THOC7: variants seen among roughly 807,000 people sequenced by gnomAD.
The protein encoded by THOC7 is NIF3L1-binding protein 1.
Under a neutral mutation model 33.1 loss-of-function variants are expected in THOC7, and 22 were observed. The ratio of observed to expected loss-of-function variants is 0.66; its 90% CI spans 0.47 to 0.95. THOC7 has a LOEUF of 0.95. Among genes scored for constraint, THOC7 ranks in the 40% least tolerant of loss-of-function variants. The pLI is 0.00. For synonymous variants in THOC7, 77 were observed against 76.8 expected (o/e 1.00, Z -0.01); for missense variants, 184 against 245.3 (o/e 0.75, Z 1.67).
chr3:63,847,460 G>A lies in THOC7; in HGVS notation c.20-7687C>T, dbSNP rs375870363. 1.1e-4 allele frequency among the ~76,000 whole-genome samples: 17 copies of A among 152,254 alleles called. No individual in the cohort carries two copies. The East Asian group carries it at 2.1e-3, about 19-fold the overall frequency. The stretch of plus-strand genomic sequence containing the variant: ...ATATCAGAAGAATGAAAAGAAGGCC[G>A]GGTGCAGTGGCTCACGCCTGTAATC... On this transcript the variant is annotated intron_variant, in intron 1 of 7. Transcript: ENST00000295899.
chr3:63,863,686 C>G, intron 1 of THOC7, 86 bp downstream of exon 1: 3 of 1,238,726 alleles, frequency 2.4e-6, no homozygotes, highest in Non-Finnish European at 3.0e-6. Flanking sequence ...CGAGGGGTTC[C>G]CGGAAGCGGG....
intron 1 of THOC7, chr3:63,860,629 G>T (rs116385032): frequency 6.6e-6 from 1 of 152,198 alleles, no homozygotes; most frequent in East Asian, 1.9e-4. Context: ...GGAGAAACAG[G>T]TCACTTACAG....
intron 1 of THOC7, among the ~76,000 whole-genome samples, chr3:63,855,980 C>A (rs952215411): frequency 6.6e-6 from 1 of 152,162 alleles, no homozygotes; most frequent in African/African-American, 2.4e-5. Context: ...GACACATATA[C>A]CTTTTGACTT....
chr3:63,858,022 A>C (rs898643118), intron 1 of THOC7, among the ~76,000 whole-genome samples: 2 of 152,208 alleles, frequency 1.3e-5, no homozygotes, highest in Non-Finnish European at 2.9e-5. Flanking sequence ...TGAAAAAAAA[A>C]CCCAAAAACA....
rs1356533721 is a variant in THOC7 at position 63,852,772 on chromosome 3, C to T, written c.19+11000G>A. Among the ~76,000 whole-genome samples, 7 of 152,254 alleles carry T rather than the reference C, an allele frequency of 4.6e-5. No individual in the cohort carries two copies. The East Asian group carries it at 1.4e-3, about 30-fold the overall frequency. ...AACTGGATTGTAACTGGGAAAAGCC[C>T]AGAGGCAGGGAGGCTAGTTAGGAGG... On this transcript the variant is annotated intron_variant, in intron 1 of 7. Transcript: ENST00000295899.
chr3:63,847,069 C>T (rs1430906887), intron 1 of THOC7, among the ~76,000 whole-genome samples: 4 of 151,940 alleles, frequency 2.6e-5, no homozygotes, highest in African/African-American at 7.3e-5. Flanking sequence ...GGGAATGGAT[C>T]GAAGAATTGC....
chr3:63,839,295 G>A (rs1255758611), intron 2 of THOC7, among the ~76,000 whole-genome samples: 1 of 152,088 alleles, frequency 6.6e-6, no homozygotes, highest in Non-Finnish European at 1.5e-5. Context: ...CAGAAATCAC[G>A]ATTAATTTTG....
intron 1 of THOC7, 148 bp from the exon 2 acceptor site, chr3:63,839,921 C>A (rs2107126977): frequency 1.6e-6 from 1 of 612,746 alleles, no homozygotes; most frequent in East Asian, 2.9e-5. Context: ...TTAAAAATGG[C>A]TAGCTAAAAT....
At chr3:63,863,669 G>A (rs1702298773) in intron 1 of THOC7, 103 bp downstream of exon 1, 2 of 1,231,452 alleles carry the variant, frequency 1.6e-6, no homozygotes, top group African/African-American at 3.1e-5. Context: ...GAAGAGGCCG[G>A]GGAGGCCGAG....
chr3:63,841,077 T>C (rs1701748533), intron 1 of THOC7, among the ~76,000 whole-genome samples: 1 of 152,188 alleles, frequency 6.6e-6, no homozygotes, highest in Non-Finnish European at 1.5e-5. Context: ...AATGTAATAG[T>C]ATGAGCCAAA....
chr3:63,837,945 A>G, intron 4 of THOC7, 31 bp downstream of exon 4: 1 of 1,581,464 alleles, frequency 6.3e-7, no homozygotes, highest in Non-Finnish European at 8.6e-7. Flanking sequence ...GTAATAATGT[A>G]TTTGCACATT....
chr3:63,847,266 AC>A (rs1318081602), intron 1 of THOC7, among the ~76,000 whole-genome samples: 1 of 152,242 alleles, frequency 6.6e-6, no homozygotes, highest in African/African-American at 2.4e-5. Flanking sequence ...TTGAAAAATA[AC>A]CAAATTTCCT....
At chr3:63,841,680 T>C (rs894428487) in intron 1 of THOC7, among the ~76,000 whole-genome samples, 2 of 152,218 alleles carry the variant, frequency 1.3e-5, no homozygotes, top group African/African-American at 4.8e-5. Context: ...AATTTTATAT[T>C]TTAAAAATAC....
At chr3:63,846,239 T>C (rs1042172021) in intron 1 of THOC7, 4 of 450,850 alleles carry the variant, frequency 8.9e-6, no homozygotes, top group African/African-American at 8.0e-5. Flanking sequence ...AGTTAAACAG[T>C]TTCCTTATAA....
At chr3:63,853,408 A>C (rs1384009691) in intron 1 of THOC7, among the ~76,000 whole-genome samples, 1 of 152,050 alleles carries the variant, frequency 6.6e-6, no homozygotes, top group Non-Finnish European at 1.5e-5. Flanking sequence ...AAACGAAACA[A>C]AACAAAAACT....
upstream of THOC7, chr3:63,863,951 G>GCGCCGCCGCCGCCGCCGCCGCCGC (rs1161401026): frequency 4.9e-5 from 4 of 81,062 alleles, no homozygotes; most frequent in Admixed American, 3.9e-4. Context: ...GCGCCGCGCC[G>GCGCCGCCGCCGCCGCCGCCGCCGC]CGCCGCCGCC....
chr3:63,839,810 T>C (rs769606449), intron 1 of THOC7, 37 bp from the exon 2 acceptor site: 1 of 1,570,374 alleles, frequency 6.4e-7, no homozygotes, highest in Non-Finnish European at 8.7e-7. Flanking sequence ...ATCTGGCTCT[T>C]GGTAACTTTC....
At chr3:63,847,203 G>T (rs1325916354) in intron 1 of THOC7, among the ~76,000 whole-genome samples, 1 of 152,094 alleles carries the variant, frequency 6.6e-6, no homozygotes, top group Non-Finnish European at 1.5e-5. Flanking sequence ...GATAAAAAAA[G>T]TTCCTATAAA....
At chr3:63,863,676 C>A (rs1050343371) in intron 1 of THOC7, 96 bp downstream of exon 1, 1 of 1,235,288 alleles carries the variant, frequency 8.1e-7, no homozygotes, top group Non-Finnish European at 1.0e-6. Context: ...CCGGGGAGGC[C>A]GAGGGGTTCC....
Sources: allele counts gnomAD v4.1 joint callset (sites outside exome capture counted in the v4.1 genomes callset), GRCh38; gene constraint gnomAD v4.1.1; transcripts MANE v1.5; gene names NCBI Gene and HGNC (gene_info 2026-07-23, HGNC 2026-07-21).